Variants in CLASP1 observed in about 807,000 individuals in gnomAD.
CLASP1 encodes the protein cytoplasmic linker associated protein 1.
Under a neutral mutation model 192.3 loss-of-function variants are expected in CLASP1, and 38 were observed. The observed-to-expected ratio is 0.20, with a 90% confidence interval of 0.15 to 0.26. The LOEUF is 0.26. CLASP1 is among the 10% of genes least tolerant of loss of function. The pLI is 1.00. For missense variants in CLASP1, 1,433 were observed against 1,932.5 expected (o/e 0.74, Z 4.85); for synonymous variants, 691 against 712.8 (o/e 0.97, Z 0.49).
chr2:121,556,535 T>A (rs1165786845), intron 2 of CLASP1, among the ~76,000 whole-genome samples: 2 of 152,188 alleles, frequency 1.3e-5, no homozygotes, highest in Admixed American at 6.5e-5. Flanking sequence ...CCTGCAATGC[T>A]CTTCCCCAAG....
At chr2:121,341,972 C>T (rs533084987) in intron 39 of CLASP1, among the ~76,000 whole-genome samples, 2 of 152,144 alleles carry the variant, frequency 1.3e-5, no homozygotes, top group South Asian at 4.2e-4. Context: ...ACCAAAGCAT[C>T]TTCTCCAACC....
chr2:121,632,562 G>T (rs183590258), intron 1 of CLASP1, among the ~76,000 whole-genome samples: 18 of 152,040 alleles, frequency 1.2e-4, no homozygotes, highest in Non-Finnish European at 2.1e-4. Context: ...AGTCTTCAAT[G>T]TACTCACATA....
intron 28 of CLASP1, among the ~76,000 whole-genome samples, chr2:121,401,022 T>C (rs1312638738): frequency 6.6e-6 from 1 of 152,212 alleles, no homozygotes; most frequent in Non-Finnish European, 1.5e-5. Context: ...TCTTTTCTCA[T>C]AACAGCCAGA....
Position 121,380,332 on chromosome 2 carries a change from A to G in CLASP1, c.3491+1876T>C, listed in dbSNP as rs373160756. Among the ~76,000 whole-genome samples, 45 of 152,260 alleles carry G rather than the reference A, an allele frequency of 3.0e-4. 1 individual carries two copies. In the South Asian group the frequency reaches 9.3e-3, roughly 32 times the overall value. ...TCTGCCCCACAGCCTGTCTTGTTTC[A>G]GCCCTGAGACAACCCCAGGACATAA... On this transcript the variant is annotated intron_variant, in intron 33 of 39. Transcript: ENST00000263710.
chr2:121,454,757 C>T (rs1441484079), intron 14 of CLASP1, among the ~76,000 whole-genome samples: 2 of 152,132 alleles, frequency 1.3e-5, no homozygotes. Flanking sequence ...AACAAAGATC[C>T]GTGTCATCTT....
At chr2:121,622,810 A>G (rs1191360686) in intron 1 of CLASP1, among the ~76,000 whole-genome samples, 1 of 152,214 alleles carries the variant, frequency 6.6e-6, no homozygotes, top group African/African-American at 2.4e-5. Flanking sequence ...AGATCATACC[A>G]TCTGCAAATA....
intron 23 of CLASP1, among the ~76,000 whole-genome samples, chr2:121,415,676 A>G (rs558758081): frequency 6.6e-6 from 1 of 152,354 alleles, no homozygotes; most frequent in South Asian, 2.1e-4. Flanking sequence ...TTACTCTGAA[A>G]AATTCACAGT....
intron 2 of CLASP1, among the ~76,000 whole-genome samples, chr2:121,560,912 T>TTTTTG (rs2059023605): frequency 6.6e-6 from 1 of 152,146 alleles, no homozygotes; most frequent in African/African-American, 2.4e-5. Context: ...TTTTTGTTTT[T>TTTTTG]TTTGTTTGTT....
intron 2 of CLASP1, among the ~76,000 whole-genome samples, chr2:121,567,028 T>G (rs533824530): frequency 6.6e-5 from 10 of 152,244 alleles, no homozygotes; most frequent in African/African-American, 2.4e-4. Flanking sequence ...TGAACACAGA[T>G]AGCCCCATTT....
chr2:121,541,534 A>G (rs1009937005), intron 2 of CLASP1, among the ~76,000 whole-genome samples: 4 of 152,124 alleles, frequency 2.6e-5, no homozygotes, highest in African/African-American at 9.7e-5. Flanking sequence ...ATATACACAA[A>G]ACCCCACATT....
chr2:121,457,115 G>A (rs907434443), intron 14 of CLASP1, among the ~76,000 whole-genome samples: 4 of 152,114 alleles, frequency 2.6e-5, no homozygotes, highest in African/African-American at 9.7e-5. Flanking sequence ...TAGGGACTTG[G>A]GAACAAACCC....
At chr2:121,506,524 A>G (rs971697004) in intron 7 of CLASP1, among the ~76,000 whole-genome samples, 2 of 152,092 alleles carry the variant, frequency 1.3e-5, no homozygotes, top group Non-Finnish European at 2.9e-5. Context: ...AGGGGTAGAA[A>G]TTGAGATGTC....
chr2:121,369,467 A>G (rs939873876), intron 34 of CLASP1, among the ~76,000 whole-genome samples: 8 of 152,186 alleles, frequency 5.3e-5, no homozygotes, highest in African/African-American at 1.7e-4. Flanking sequence ...ATTATTTATA[A>G]AAAAGGTAAG....
At chr2:121,508,544 G>T (rs1419293211) in intron 7 of CLASP1, among the ~76,000 whole-genome samples, 1 of 152,020 alleles carries the variant, frequency 6.6e-6, no homozygotes, top group Non-Finnish European at 1.5e-5. Flanking sequence ...TAAACCAATG[G>T]AAAGTTAAAA....
chr2:121,470,546 G>A (rs928758069), intron 8 of CLASP1: 1 of 382,126 alleles, frequency 2.6e-6, no homozygotes, highest in African/African-American at 2.1e-5. Flanking sequence ...ATGGTACTTT[G>A]TAAGTGGAAA....
chr2:121,423,336 G>A (rs2079831370), intron 22 of CLASP1, among the ~76,000 whole-genome samples: 1 of 151,996 alleles, frequency 6.6e-6, no homozygotes, highest in African/African-American at 2.4e-5. Flanking sequence ...CATAATAACT[G>A]TTTTAAAAAC....
intron 35 of CLASP1, among the ~76,000 whole-genome samples, 153 bp from the exon 37 acceptor site, chr2:121,365,437 C>T (rs918915808): frequency 2.0e-5 from 3 of 152,222 alleles, no homozygotes; most frequent in Non-Finnish European, 4.4e-5. Flanking sequence ...CCCTGCTTCG[C>T]TGTCCGGCCT....
intron 8 of CLASP1, among the ~76,000 whole-genome samples, chr2:121,493,835 A>G (rs1054487269): frequency 2.6e-5 from 4 of 152,236 alleles, no homozygotes; most frequent in Non-Finnish European, 5.9e-5. Flanking sequence ...GCAAACAGGC[A>G]TATTAAAAAA....
At chr2:121,609,336 G>A (rs2064886126) in intron 1 of CLASP1, among the ~76,000 whole-genome samples, 1 of 152,042 alleles carries the variant, frequency 6.6e-6, no homozygotes. Flanking sequence ...TGCAACAAAG[G>A]CTTAGTACAC....
Sources: allele counts gnomAD v4.1 joint callset (sites outside exome capture counted in the v4.1 genomes callset), GRCh38; gene constraint gnomAD v4.1.1; transcripts MANE v1.5; gene names NCBI Gene and HGNC (gene_info 2026-07-23, HGNC 2026-07-21).